The following CACNA1H variants were observed in gnomAD, a reference collection of about 807,000 sequenced individuals.
CACNA1H encodes the protein voltage-dependent T-type calcium channel subunit alpha-1H.
In CACNA1H, 149 loss-of-function variants were observed where a neutral mutation model predicts 192.5. The observed-to-expected ratio is 0.77, with a 90% confidence interval of 0.68 to 0.89. The LOEUF is 0.89. CACNA1H is among the 40% of genes least tolerant of loss of function. The probability of loss-of-function intolerance (pLI) is 0.00; values close to 1 mark genes in which losing one functional copy is unlikely to be tolerated. For missense variants in CACNA1H, 4,257 were observed against 3,423.5 expected (o/e 1.24, Z -6.08); for synonymous variants, 2,202 against 1,475.2 (o/e 1.49, Z -11.29).
Position 1,207,835 on chromosome 16 carries a change from CAAGCTCA to C in CACNA1H, c.3130_3136del (p.Lys1044GlufsTer8), listed in dbSNP as rs758183350. ...CGGTCCACTTCGAGGAGGACTTCCA[CAAGCTCA>C]GAGAACTCCAGACCACAGGTGCGTG... On this transcript the variant is annotated frameshift_variant, in exon 15 of 35. Transcript: ENST00000348261. LOFTEE classifies it high-confidence loss of function. The C allele has an allele frequency of 6.3e-7, 1 of 1,599,508 alleles. No homozygotes were observed.
At chr16:1,155,146 C>T (rs866427770) in intron 2 of CACNA1H, among the ~76,000 whole-genome samples, 1 of 152,244 alleles carries the variant, frequency 6.6e-6, no homozygotes, top group Non-Finnish European at 1.5e-5. Flanking sequence ...AGTCATAAAG[C>T]CCGTGTTTCT....
chr16:1,212,163 C>A (rs746377155), intron 25 of CACNA1H, 25 bp downstream of exon 25: 2 of 1,590,686 alleles, frequency 1.3e-6, no homozygotes, highest in South Asian at 1.1e-5. Flanking sequence ...GTGGCGGTGG[C>A]GGTGGCGGGT....
chr16:1,167,149 G>A lies in CACNA1H; in HGVS notation c.299+13113G>A, dbSNP rs563225486. ...GGACACGGCCCTTCCTTTCCTCGCC[G>A]ACCCTTTGGGGCGTCTCCCATCGGG... On this transcript the variant is annotated intron_variant, in intron 2 of 34. Coordinates refer to ENST00000348261, the MANE Select transcript of CACNA1H (RefSeq NM_021098.3). The surrounding 1 kb of genome is among the most constrained non-coding windows in gnomAD (Gnocchi z 4.2). Among the ~76,000 whole-genome samples the A allele has an allele frequency of 1.3e-5, 2 of 152,258 alleles. No individual in the cohort carries two copies. The highest frequency in any genetic ancestry group is 4.8e-5 in the African/African-American group (2 of 41,558).
chr16:1,212,629 A>G, intron 26 of CACNA1H, 101 bp downstream of exon 26: 1 of 1,422,544 alleles, frequency 7.0e-7, no homozygotes, highest in Non-Finnish European at 9.6e-7. Flanking sequence ...CAGGGTGGGC[A>G]CAGGCAGCCG....
chr16:1,154,981 CG>C (rs1962118342), intron 2 of CACNA1H, among the ~76,000 whole-genome samples: 1 of 152,188 alleles, frequency 6.6e-6, no homozygotes, highest in Non-Finnish European at 1.5e-5. Context: ...GCTTCTGCTC[CG>C]GGCCTGGGGA....
chr16:1,220,783 G>C lies in CACNA1H; in HGVS notation c.6851G>C (p.Gly2284Ala). ...GVPSGDPFLD[G>A]SHSVTPESRA... The stretch of plus-strand genomic sequence containing the variant: ...CCCAGTGGAGACCCTTTCTTGGACG[G>C]TAGCCACAGTGTGACCCCAGAATCC... The change falls in exon 35 of 35, where the codon GGT (glycine) becomes GCT (alanine). Residue 2284 changes from glycine to alanine, a missense_variant. Transcript: ENST00000348261. The C allele has an allele frequency of 1.9e-6, 3 of 1,612,678 alleles. No homozygotes were observed. The highest frequency in any genetic ancestry group is 2.5e-6 in the Non-Finnish European group (3 of 1,179,786).
chr16:1,210,348 T>TCCCCCCCCCCCCCCCCCCC, intron 18 of CACNA1H, 22 bp from the exon 19 acceptor site: 3 of 277,476 alleles, frequency 1.1e-5, no homozygotes, highest in South Asian at 6.2e-5. Context: ...GCCCCACCTC[T>TCCCCCCCCCCCCCCCCCCC]CACCCGCCCC....
At chr16:1,208,442 G>A (rs142737475) in intron 16 of CACNA1H, among the ~76,000 whole-genome samples, 16 of 152,290 alleles carry the variant, frequency 1.1e-4, no homozygotes, top group African/African-American at 2.4e-4. Context: ...AGCTCTGTGC[G>A]CCCAACAGTC....
intron 2 of CACNA1H, among the ~76,000 whole-genome samples, chr16:1,161,496 C>G (rs891970744): frequency 6.6e-6 from 1 of 152,114 alleles, no homozygotes; most frequent in Admixed American, 6.5e-5. Context: ...CTTTAGTAGC[C>G]CCAGATGTTA....
intron 2 of CACNA1H, among the ~76,000 whole-genome samples, chr16:1,154,369 G>A (rs1962010315): frequency 1.3e-5 from 2 of 152,156 alleles, no homozygotes; most frequent in South Asian, 2.1e-4. Flanking sequence ...GCGGCCCCAA[G>A]GGTGTTGGCC....
In CACNA1H at chr16:1,211,154, TCACTC is replaced by T. The variant is rs1176161178; in HGVS notation, c.4224-12_4224-8del. 1 of 1,611,760 alleles carries T rather than the reference TCACTC, an allele frequency of 6.2e-7. No homozygotes were observed. The highest frequency in any genetic ancestry group is 1.3e-5 in the African/African-American group (1 of 74,870). On this transcript the variant is annotated splice_polypyrimidine_tract_variant and intron_variant, in intron 21 of 34. Transcript: ENST00000348261. Reference sequence around the variant, plus strand: ...GCCATAGATGACTGCAGTGTATCCTTCACTCCCCTCCAGGGTCATCAGCCGGGCCC... The same window carrying T: ...GCCATAGATGACTGCAGTGTATCCTTCCCTCCAGGGTCATCAGCCGGGCCC...
intron 2 of CACNA1H, among the ~76,000 whole-genome samples, chr16:1,159,388 T>TGCAGGCCTTGAGGTGGGGG (rs1962880329): frequency 6.9e-6 from 1 of 144,208 alleles, no homozygotes; most frequent in Admixed American, 7.0e-5. Context: ...AGGGGGACAG[T>TGCAGGCCTTGAGGTGGGGG]GCAGGCCTTG....
intron 27 of CACNA1H, among the ~76,000 whole-genome samples, chr16:1,214,562 C>CA (rs1421960198): frequency 1.3e-5 from 2 of 152,198 alleles, no homozygotes; most frequent in Non-Finnish European, 2.9e-5. Flanking sequence ...CGTCGGTGCT[C>CA]AGAGTTGGGC....
chr16:1,211,069 C>T, intron 21 of CACNA1H, 98 bp downstream of exon 21: 1 of 1,557,270 alleles, frequency 6.4e-7, no homozygotes, highest in Non-Finnish European at 8.7e-7. Context: ...TGTTCGCAGG[C>T]CGCCCACTCG....
chr16:1,195,833 G>A (rs562279659), intron 4 of CACNA1H, 93 bp from the exon 5 acceptor site: 20 of 1,072,664 alleles, frequency 1.9e-5, no homozygotes, highest in Non-Finnish European at 2.5e-5. Flanking sequence ...GGGCTGGCCG[G>A]TTCTATGCCT....
chr16:1,162,838 G>C lies in CACNA1H; in HGVS notation c.299+8802G>C, dbSNP rs530348957. ...AAGGCCGAGGGAGTATGAGCAGGGG[G>C]TGGGATAGTCCCAGGTGGCTGGAAA... On this transcript the variant is annotated intron_variant, in intron 2 of 34. Transcript: ENST00000348261. Among the ~76,000 whole-genome samples the C allele has an allele frequency of 3.3e-3, 501 of 152,332 alleles. 5 individuals carry two copies. The highest frequency in any genetic ancestry group is 0.016 in the South Asian group (77 of 4,824).
chr16:1,208,755 G>A (rs1253385417), intron 16 of CACNA1H, among the ~76,000 whole-genome samples: 1 of 152,156 alleles, frequency 6.6e-6, no homozygotes, highest in Non-Finnish European at 1.5e-5. Flanking sequence ...TGGGGACACG[G>A]GGGCCACCCA....
rs567801955 is a variant in CACNA1H, at chr16:1,216,674, G to A, written c.5245-258G>A. On this transcript the variant is annotated intron_variant, in intron 30 of 34. Coordinates refer to ENST00000348261, the MANE Select transcript of CACNA1H (RefSeq NM_021098.3). ...TGCTCAGGGGCAGGGCAGAGGAAGA[G>A]AGAAGCCAGTGCGGGCCAGCACAGA... Among the ~76,000 whole-genome samples the A allele has an allele frequency of 2.6e-5, 4 of 152,370 alleles. No homozygotes were observed. In the East Asian group the frequency reaches 7.7e-4, roughly 29 times the overall value.
intron 2 of CACNA1H, among the ~76,000 whole-genome samples, chr16:1,163,543 G>A (rs1249885876): frequency 2.0e-5 from 3 of 152,248 alleles, no homozygotes; most frequent in South Asian, 4.1e-4. Context: ...GGTGTGGAGG[G>A]GCGAGGGTCT....
Sources: gnomAD v4.1 joint callset for allele counts (sites outside exome capture counted in the v4.1 genomes callset) on GRCh38, gnomAD v4.1.1 for gene constraint, Gnocchi (gnomAD v3.1) non-coding constraint, MANE v1.5 for transcripts, NCBI Gene and HGNC (gene_info 2026-07-23, HGNC 2026-07-21) for gene names.